TRIM24: variants seen among roughly 807,000 people sequenced by gnomAD.
The protein encoded by TRIM24 is transcription intermediary factor 1-alpha.
A neutral mutation model predicts 123.9 loss-of-function variants in TRIM24; 29 were observed. The ratio of observed to expected loss-of-function variants is 0.23; its 90% CI spans 0.17 to 0.32. The LOEUF is 0.32. Ranked by LOEUF, TRIM24 falls within the 10% of genes least tolerant of loss-of-function variation. The pLI is 1.00. For synonymous variants in TRIM24, 456 were observed against 461.1 expected (o/e 0.99, Z 0.14); for missense variants, 932 against 1,295.3 (o/e 0.72, Z 4.31).
At chr7:138,516,813 G>GTTTT (rs77546595) in intron 3 of TRIM24, among the ~76,000 whole-genome samples, 2 of 132,450 alleles carry the variant, frequency 1.5e-5, no homozygotes, top group South Asian at 2.3e-4. Flanking sequence ...AAACCGTTTT[G>GTTTT]TTTTTTTTTT....
chr7:138,460,492 G>C lies in TRIM24; in HGVS notation c.-57G>C. ...GCCGCAGGAGGAGGAGGAGGTCGTC[G>C]GGGGCGGCGGGCGGAGACCGCGCTC... On this transcript the variant is annotated 5_prime_UTR_variant, in exon 1 of 19. Coordinates refer to ENST00000343526, the MANE Select transcript of TRIM24 (RefSeq NM_015905.3). 13 of 1,255,896 alleles carry C rather than the reference G, an allele frequency of 1.0e-5. No homozygotes were observed. Among genetic ancestry groups the C allele is most frequent in the Non-Finnish European group, 1.2e-5 (12 of 1,004,138 alleles). 77.8% of individuals were successfully genotyped at this position (1,255,896 alleles called of 1,614,324 possible).
At chr7:138,462,486 G>A (rs868432236) in intron 1 of TRIM24, among the ~76,000 whole-genome samples, 62 of 151,016 alleles carry the variant, frequency 4.1e-4, no homozygotes, top group Middle Eastern at 3.4e-3. Flanking sequence ...GACTACAGGC[G>A]CCCGCTACCA....
At chr7:138,519,445 C>G (rs1358237222) in intron 4 of TRIM24, 124 bp downstream of exon 4, 1 of 1,113,534 alleles carries the variant, frequency 9.0e-7, no homozygotes, top group East Asian at 2.4e-5. Context: ...CTATGCTGGC[C>G]TGTACTGGGG....
intron 10 of TRIM24, among the ~76,000 whole-genome samples, chr7:138,570,526 T>C (rs1797631820): frequency 6.6e-6 from 1 of 152,200 alleles, no homozygotes. Flanking sequence ...GAAGTTGCTA[T>C]GTATATATTT....
chr7:138,507,367 T>A (rs1796172650), intron 2 of TRIM24, among the ~76,000 whole-genome samples: 1 of 151,598 alleles, frequency 6.6e-6, no homozygotes, highest in Admixed American at 6.6e-5. Flanking sequence ...TAATTTTTTT[T>A]TTTTTTTTTT....
At chr7:138,531,524 A>G (rs1796745645) in intron 6 of TRIM24, among the ~76,000 whole-genome samples, 1 of 152,116 alleles carries the variant, frequency 6.6e-6, no homozygotes, top group Non-Finnish European at 1.5e-5. Flanking sequence ...AGTTTCATCC[A>G]TGTCTCTACA....
At chr7:138,555,459 G>C (rs933195880) in intron 9 of TRIM24, among the ~76,000 whole-genome samples, 3 of 150,076 alleles carry the variant, frequency 2.0e-5, no homozygotes, top group African/African-American at 7.3e-5. Flanking sequence ...ACTGTCTACC[G>C]TTCTTATTTT....
chr7:138,537,995 T>A (rs1183212107), intron 6 of TRIM24, among the ~76,000 whole-genome samples: 5 of 152,238 alleles, frequency 3.3e-5, no homozygotes, highest in Non-Finnish European at 2.9e-5. Context: ...GCTCTACTTT[T>A]GATTATCCAT....
chr7:138,462,031 C>T (rs1794993023), intron 1 of TRIM24, among the ~76,000 whole-genome samples: 1 of 152,172 alleles, frequency 6.6e-6, no homozygotes, highest in Non-Finnish European at 1.5e-5. Context: ...GCACCCTTGC[C>T]AGCGAGATAC....
chr7:138,511,228 A>T (rs547654601), intron 2 of TRIM24, among the ~76,000 whole-genome samples: 119 of 152,198 alleles, frequency 7.8e-4, no homozygotes, highest in African/African-American at 2.8e-3. Context: ...GTGAAGGGGC[A>T]GCAGGCTTGT....
intron 2 of TRIM24, among the ~76,000 whole-genome samples, chr7:138,508,692 T>TGTGTGTGCGC (rs1422176564): frequency 7.8e-4 from 107 of 137,266 alleles, no homozygotes; most frequent in African/African-American, 2.5e-3. Flanking sequence ...TGTGTGTGTG[T>TGTGTGTGCGC]GCGCGCGCGT....
At chr7:138,581,616 C>T in intron 16 of TRIM24, 81 bp from the exon 17 acceptor site, 1 of 1,232,498 alleles carries the variant, frequency 8.1e-7, no homozygotes, top group Non-Finnish European at 1.1e-6. Context: ...ACTTTGGGAC[C>T]TCTGAGATTG....
intron 7 of TRIM24, among the ~76,000 whole-genome samples, chr7:138,548,425 A>T (rs1353634002): frequency 6.6e-6 from 1 of 152,110 alleles, no homozygotes; most frequent in Non-Finnish European, 1.5e-5. Flanking sequence ...GTCAAAAAAA[A>T]AAAAACAGTA....
intron 1 of TRIM24, among the ~76,000 whole-genome samples, chr7:138,483,104 C>CGG (rs145083739): frequency 2.3e-4 from 35 of 150,696 alleles, no homozygotes; most frequent in South Asian, 1.7e-3. Flanking sequence ...ATTTTTGTAG[C>CGG]GGGGGGGGTC....
At chr7:138,580,528 A>G (rs779990807) in intron 15 of TRIM24, 34 bp from the exon 16 acceptor site, 2 of 1,594,264 alleles carry the variant, frequency 1.3e-6, no homozygotes, top group East Asian at 2.2e-5. Flanking sequence ...GAAATGATGC[A>G]TTAGGAATTC....
At chr7:138,468,002 G>A (rs1467326917) in intron 1 of TRIM24, among the ~76,000 whole-genome samples, 1 of 151,282 alleles carries the variant, frequency 6.6e-6, no homozygotes, top group Non-Finnish European at 1.5e-5. Flanking sequence ...TCTTCTTATT[G>A]CACCAGCAAG....
At chr7:138,575,424 T>G (rs970790175) in intron 12 of TRIM24, among the ~76,000 whole-genome samples, 2 of 151,000 alleles carry the variant, frequency 1.3e-5, no homozygotes, top group African/African-American at 4.9e-5. Flanking sequence ...TTCCCAGTAG[T>G]GGGGACTACA....
At chr7:138,540,567 CTTA>C (rs1437559894) in intron 7 of TRIM24, among the ~76,000 whole-genome samples, 1 of 152,194 alleles carries the variant, frequency 6.6e-6, no homozygotes, top group Non-Finnish European at 1.5e-5. Context: ...TTAGGCTCTA[CTTA>C]TTATTCCAGT....
chr7:138,524,049 G>A (rs1412149916), intron 4 of TRIM24, among the ~76,000 whole-genome samples: 2 of 152,026 alleles, frequency 1.3e-5, no homozygotes, highest in African/African-American at 2.4e-5. Context: ...TCATCTTAGG[G>A]ATACAGAATT....
Sources: gnomAD v4.1 joint callset for allele counts (sites outside exome capture counted in the v4.1 genomes callset) on GRCh38, gnomAD v4.1.1 for gene constraint, MANE v1.5 for transcripts, NCBI Gene and HGNC (gene_info 2026-07-23, HGNC 2026-07-21) for gene names.